Variants in LSM11 observed in about 807,000 individuals in gnomAD.
LSM11 encodes the protein U7 snRNA-associated Sm-like protein LSm11.
In LSM11, 14 loss-of-function variants were observed where a neutral mutation model predicts 28.1. That is an observed-to-expected ratio of 0.50 (90% confidence interval 0.33 to 0.78). The LOEUF (loss-of-function observed/expected upper bound fraction) is 0.78, where lower values mean the gene tolerates loss of function less well. Among genes scored for constraint, LSM11 ranks in the 30% least tolerant of loss-of-function variants. LSM11 has a pLI of 0.02. For synonymous variants in LSM11, 207 were observed against 214.2 expected (o/e 0.97, Z 0.30); for missense variants, 495 against 510.6 (o/e 0.97, Z 0.30).
In LSM11 at chr5:157,757,565, A is replaced by G. The variant is rs1437657302; in HGVS notation, c.*2301A>G. The G allele has an allele frequency of 6.6e-6, 1 of 152,214 alleles. No homozygotes were observed. The highest frequency in any genetic ancestry group is 2.4e-5 in the African/African-American group (1 of 41,452). The allele number at this position is 152,214 out of a possible 1,614,324, so 9.4% of individuals were successfully genotyped here. On this transcript the variant is annotated 3_prime_UTR_variant, in exon 4 of 4. Coordinates refer to ENST00000286307, the MANE Select transcript of LSM11 (RefSeq NM_173491.4). Reference sequence around the variant, plus strand: ...CCAGATCAGGTGCACTAAAGTTTATAGAGGTTCCAGTTTACAAACTCAAGT... The same window carrying G: ...CCAGATCAGGTGCACTAAAGTTTATGGAGGTTCCAGTTTACAAACTCAAGT...
intron 1 of LSM11, among the ~76,000 whole-genome samples, chr5:157,748,515 T>C (rs1257689939): frequency 1.3e-5 from 2 of 152,186 alleles, no homozygotes; most frequent in African/African-American, 4.8e-5. Flanking sequence ...AACCTTGACG[T>C]TATCTTACTT....
Position 157,756,691 on chromosome 5 carries a change from G to A in LSM11, c.*1427G>A, listed in dbSNP as rs369652926. The A allele has an allele frequency of 9.2e-5, 14 of 152,332 alleles. No individual in the cohort carries two copies. Among genetic ancestry groups the A allele is most frequent in the East Asian group, 7.8e-4 (4 of 5,160 alleles). The allele number at this position is 152,332 out of a possible 1,614,324, so 9.4% of individuals were successfully genotyped here. A position where few individuals can be genotyped will look rare whatever the true frequency, so the allele number is the denominator to read the frequency against. On this transcript the variant is annotated 3_prime_UTR_variant, in exon 4 of 4. Transcript: ENST00000286307. ...AAAGGTGAGCAGACTTAACCCCTCC[G>A]TGCCTCAGCTTTTTCCCCACAGACA...
chr5:157,744,334 G>A, intron 1 of LSM11, 136 bp downstream of exon 1: 2 of 589,024 alleles, frequency 3.4e-6, no homozygotes, highest in Non-Finnish European at 5.0e-6. Context: ...AATTTGCGGG[G>A]ATCATCAGTG....
At chr5:157,747,236 A>G (rs559719322) in intron 1 of LSM11, among the ~76,000 whole-genome samples, 1 of 152,354 alleles carries the variant, frequency 6.6e-6, no homozygotes, top group Admixed American at 6.5e-5. Flanking sequence ...TGCTTCAAGC[A>G]AGCTTTTTCT....
At chr5:157,754,692 CAAAAAAAAAAAAA>C in intron 3 of LSM11, among the ~76,000 whole-genome samples, 149 bp from the exon 4 acceptor site, 2 of 90,264 alleles carry the variant, frequency 2.2e-5, no homozygotes, top group South Asian at 3.7e-4. Flanking sequence ...ACTCCGTCTC[CAAAAAAAAAAAAA>C]AAAAAAAAGA....
At position 157,755,599 on chromosome 5, in the gene LSM11, T is replaced by C. The variant is rs1320925176; in HGVS notation, c.*335T>C. On this transcript the variant is annotated 3_prime_UTR_variant, in exon 4 of 4. Transcript: ENST00000286307. The stretch of plus-strand genomic sequence containing the variant: ...AGTGGAATTTACATTTTAGATACTA[T>C]AGGGGAAAGAAAAGTCTCAAAAAGA... The C allele has an allele frequency of 1.8e-5, 8 of 445,552 alleles. No individual in the cohort carries two copies. Among genetic ancestry groups the C allele is most frequent in the Non-Finnish European group, 2.8e-5 (7 of 254,278 alleles). The allele number at this position is 445,552 out of a possible 1,614,324, so 27.6% of individuals were successfully genotyped here.
intron 1 of LSM11, among the ~76,000 whole-genome samples, chr5:157,750,300 C>T (rs905302352): frequency 6.6e-6 from 1 of 152,080 alleles, no homozygotes; most frequent in African/African-American, 2.4e-5. Flanking sequence ...TATACCATAG[C>T]CAGCATATTG....
chr5:157,750,348 T>C (rs1199026485), intron 1 of LSM11, among the ~76,000 whole-genome samples: 2 of 152,184 alleles, frequency 1.3e-5, no homozygotes, highest in Non-Finnish European at 2.9e-5. Context: ...AAAATAAAAT[T>C]CATCTTTCCT....
rs1419428363 is a variant in LSM11 at position 157,758,167 on chromosome 5, T to C, written c.*2903T>C. On this transcript the variant is annotated 3_prime_UTR_variant, in exon 4 of 4. Transcript: ENST00000286307. ...AATTTCTCTCTTGTTGCCTAGGCAG[T>C]GCAGTGGCGCGATCTCAGCTCCCTG... is the stretch of plus-strand genomic sequence containing the variant. 1 of 152,290 alleles carries C rather than the reference T, an allele frequency of 6.6e-6. No individual in the cohort carries two copies. Among genetic ancestry groups the C allele is most frequent in the Non-Finnish European group, 1.5e-5 (1 of 68,080 alleles). 9.4% of individuals were successfully genotyped at this position (152,290 alleles called of 1,614,324 possible).
In LSM11 at chr5:157,755,914, C is replaced by A; in HGVS notation, c.*650C>A. 2.6e-6 allele frequency: 1 copy of A among 387,506 alleles called. No homozygotes were observed. Among genetic ancestry groups the A allele is most frequent in the Non-Finnish European group, 4.6e-6 (1 of 219,758 alleles). 24.0% of individuals were successfully genotyped at this position (387,506 alleles called of 1,614,324 possible). Reference sequence around the variant, plus strand: ...CTTATTATGGAAAGGAGTACAGGACCTCTTCAGTCTTCCCCTTACCAGAGG... The same window carrying A: ...CTTATTATGGAAAGGAGTACAGGACATCTTCAGTCTTCCCCTTACCAGAGG... On this transcript the variant is annotated 3_prime_UTR_variant, in exon 4 of 4. Coordinates refer to ENST00000286307, the MANE Select transcript of LSM11 (RefSeq NM_173491.4).
Position 157,744,055 on chromosome 5 carries a change from C to T in LSM11, c.305C>T (p.Ala102Val). 1 of 1,451,978 alleles carries T rather than the reference C, an allele frequency of 6.9e-7. No individual in the cohort carries two copies. The highest frequency in any genetic ancestry group is 9.1e-7 in the Non-Finnish European group (1 of 1,103,788). The allele number at this position is 1,451,978 out of a possible 1,614,324, so 89.9% of individuals were successfully genotyped here. A position where few individuals can be genotyped will look rare whatever the true frequency, so the allele number is the denominator to read the frequency against. ...PSGRTRRRPD[A>V]PAPDPERIQR... ...GGCAGGACTCGTCGCCGCCCGGACG[C>T]GCCCGCCCCGGACCCCGAGCGCATC... is the stretch of plus-strand genomic sequence containing the variant. The change falls in exon 1 of 4, where the codon GCG becomes GTG. Residue 102 changes from alanine to valine, a missense_variant. Coordinates refer to ENST00000286307, the MANE Select transcript of LSM11 (RefSeq NM_173491.4).
rs377580722 is a variant in LSM11 at position 157,754,062 on chromosome 5, G to A, written c.647G>A (p.Arg216Gln). 3.2e-5 allele frequency: 50 copies of A among 1,571,844 alleles called. No homozygotes were observed. The highest frequency in any genetic ancestry group is 4.0e-5 in the Non-Finnish European group (46 of 1,159,534). The change falls in exon 3 of 4, where the codon CGG (arginine) becomes CAG (glutamine). Residue 216 changes from arginine (R) to glutamine (Q), a missense_variant. Transcript: ENST00000286307. ...CCTGTCCTAGGCAAAGCATATGAAC[G>A]GGATTCTTCACTGACTCTCACTAGG... ...RKPVLGKAYE[R>Q]DSSLTLTRLF... is the part of the protein sequence containing the mutation.
At position 157,749,415 on chromosome 5, in the gene LSM11, A is replaced by G. The variant is rs528674981; in HGVS notation, c.449-1975A>G. Among the ~76,000 whole-genome samples, 9 of 152,384 alleles carry G rather than the reference A, an allele frequency of 5.9e-5. No homozygotes were observed. In the East Asian group the frequency reaches 1.7e-3, roughly 29 times the overall value. Reference sequence around the variant, plus strand: ...TTATTGGGACTTAGTCCTGAAATAAATCTACAAGTTAACTATCTTAACCTC... The same window carrying G: ...TTATTGGGACTTAGTCCTGAAATAAGTCTACAAGTTAACTATCTTAACCTC... On this transcript the variant is annotated intron_variant, in intron 1 of 3. Coordinates refer to ENST00000286307, the MANE Select transcript of LSM11 (RefSeq NM_173491.4).
chr5:157,755,324 A>G lies in LSM11; in HGVS notation c.*60A>G, dbSNP rs1292092368. The G allele has an allele frequency of 1.1e-5, 16 of 1,510,174 alleles. No individual in the cohort carries two copies. Among genetic ancestry groups the G allele is most frequent in the East Asian group, 2.3e-5 (1 of 44,350 alleles). 93.5% of individuals were successfully genotyped at this position (1,510,174 alleles called of 1,614,324 possible). ...AGTGCATGAATTGCTGCTATGCTGT[A>G]TCCTAGTATCCCAGTGAAACTCTGA... On this transcript the variant is annotated 3_prime_UTR_variant, in exon 4 of 4. Transcript: ENST00000286307.
chr5:157,744,179 C>A lies in LSM11; in HGVS notation c.429C>A (p.Asn143Lys). The change falls in exon 1 of 4, where the codon AAC (asparagine) becomes AAA (lysine). Residue 143 changes from asparagine to lysine, a missense_variant. Coordinates refer to ENST00000286307, the MANE Select transcript of LSM11 (RefSeq NM_173491.4). ...GTCGGAGCAGGAAGGCGCCACGCAA[C>A]GTGCTCACGCGAATGCCCTGTGAGT... ...GPGRSRKAPR[N>K]VLTRMPLHEG... 1 of 1,343,176 alleles carries A rather than the reference C, an allele frequency of 7.4e-7. No individual in the cohort carries two copies. The highest frequency in any genetic ancestry group is 9.6e-7 in the Non-Finnish European group (1 of 1,045,314). 83.2% of individuals were successfully genotyped at this position (1,343,176 alleles called of 1,614,324 possible).
intron 1 of LSM11, among the ~76,000 whole-genome samples, chr5:157,744,941 A>C (rs1761124210): frequency 6.6e-6 from 1 of 150,938 alleles, no homozygotes; most frequent in Non-Finnish European, 1.5e-5. Flanking sequence ...TTTTACAGCC[A>C]CTCTGCCTGG....
In LSM11 at chr5:157,754,018, G is replaced by A; in HGVS notation, c.603G>A (p.Val201=). The A allele has an allele frequency of 1.3e-6, 2 of 1,574,670 alleles. No individual in the cohort carries two copies. The highest frequency in any genetic ancestry group is 1.7e-6 in the Non-Finnish European group (2 of 1,161,548). Residue 201 remains valine (V), a synonymous_variant, in exon 3 of 4, where the codon GTG becomes GTA. Transcript: ENST00000286307. ...DKFWNMALTD[V]DETYRKPVLG... ...TGTTCCTCTAGGCACTTACTGATGTGGATGAGACCTACCGAAAACCTGTCC... is the reference window on the plus strand; with the variant it reads ...TGTTCCTCTAGGCACTTACTGATGTAGATGAGACCTACCGAAAACCTGTCC...
chr5:157,745,732 C>T (rs1029847618), intron 1 of LSM11, among the ~76,000 whole-genome samples: 4 of 152,070 alleles, frequency 2.6e-5, no homozygotes, highest in East Asian at 3.8e-4. Flanking sequence ...AAGTATATAT[C>T]CCTGGAATCA....
intron 1 of LSM11, among the ~76,000 whole-genome samples, chr5:157,746,069 A>G (rs1350001727): frequency 6.6e-6 from 1 of 152,168 alleles, no homozygotes; most frequent in African/African-American, 2.4e-5. Context: ...TGATCCAAAA[A>G]CAAAAGTTGG....
Sources: allele counts gnomAD v4.1 joint callset (sites outside exome capture counted in the v4.1 genomes callset), GRCh38; gene constraint gnomAD v4.1.1; transcripts MANE v1.5; gene names NCBI Gene and HGNC (gene_info 2026-07-23, HGNC 2026-07-21).